SERPINA6: variants seen among roughly 807,000 people sequenced by gnomAD.
SERPINA6 encodes the protein corticosteroid-binding globulin.
A neutral mutation model predicts 26.4 loss-of-function variants in SERPINA6; 19 were observed. The ratio of observed to expected loss-of-function variants is 0.72; its 90% confidence interval spans 0.50 to 1.06. SERPINA6 has a LOEUF of 1.06. Ranked by LOEUF, SERPINA6 falls within the 50% of genes least tolerant of loss-of-function variation. The probability of loss-of-function intolerance (pLI) is 0.00; values close to 1 mark genes in which losing one functional copy is unlikely to be tolerated. For missense variants in SERPINA6, 473 were observed against 504.0 expected, an observed-to-expected ratio of 0.94 and a Z score of 0.59; for synonymous variants, 196 against 199.4, an observed-to-expected ratio of 0.98 and a Z score of 0.14.
At chr14:94,316,121 T>C (rs988297324) in intron 1 of SERPINA6, among the ~76,000 whole-genome samples, 4 of 152,242 alleles carry the variant, frequency 2.6e-5, no homozygotes, top group Non-Finnish European at 5.9e-5. Flanking sequence ...TCTTTTTTGA[T>C]CCTCTGGTTG....
chr14:94,309,801 C>T lies in SERPINA6; in HGVS notation c.819G>A (p.Met273Ile), dbSNP rs1085307658. The change falls in exon 3 of 5, where the codon ATG (methionine) becomes ATA (isoleucine). Residue 273 changes from methionine (M) to isoleucine (I), a missense_variant. Met to Ile is a conservative substitution (Grantham distance 10, BLOSUM62 1). Coordinates refer to ENST00000341584, the MANE Select transcript of SERPINA6 (RefSeq NM_001756.4). ...VFFILPDKGK[M>I]NTVIAALSRD... ...GGCTCAGTGCAGCGATGACTGTGTT[C>T]ATCTTCCCCTTGTCCGGAAGGATGA... 1 of 1,614,192 alleles carries T rather than the reference C, an allele frequency of 6.2e-7. No individual in the cohort carries two copies. The highest frequency in any genetic ancestry group is 1.7e-5 in the Admixed American group (1 of 60,026).
At position 94,314,332 on chromosome 14, in the gene SERPINA6, T is replaced by C. The variant is rs1220722003; in HGVS notation, c.317A>G (p.His106Arg). The C allele has an allele frequency of 3.1e-6, 5 of 1,614,184 alleles. No individual in the cohort carries two copies. The highest frequency in any genetic ancestry group is 4.2e-6 in the Non-Finnish European group (5 of 1,180,038). ...TTGGTGCAGGTGCTGGAAACCCTGG[T>C]GGATCTCAGTCTCAGACCTCTCAGT... is the stretch of plus-strand genomic sequence containing the variant. Reference protein sequence around the residue: ...NLTERSETEIHQGFQHLHQLF... With the variant: ...NLTERSETEIRQGFQHLHQLF... Residue 106 changes from histidine (H) to arginine (R), a missense_variant, in exon 2 of 5, where the codon CAC (histidine) becomes CGC (arginine). Transcript: ENST00000341584.
chr14:94,323,248 G>C lies in SERPINA6; in HGVS notation c.-20+19C>G, dbSNP rs1002814361. On this transcript the variant is annotated intron_variant, in intron 1 of 4. Coordinates refer to ENST00000341584, the MANE Select transcript of SERPINA6 (RefSeq NM_001756.4). The stretch of plus-strand genomic sequence containing the variant: ...GGCTGGGCAGGGGGAGGGACAGAGG[G>C]TTCTCAGGTGTTACTCACAGTCTGC... The C allele has an allele frequency of 6.6e-6, 1 of 152,484 alleles. No homozygotes were observed. The highest frequency in any genetic ancestry group is 1.5e-5 in the Non-Finnish European group (1 of 68,244). The allele number at this position is 152,484 out of a possible 1,614,324, so 9.4% of individuals were successfully genotyped here.
At position 94,306,134 on chromosome 14, in the gene SERPINA6, G is replaced by A. The variant is rs1308205957; in HGVS notation, c.969C>T (p.Asp323=). The change falls in exon 4 of 5, where the codon GAC becomes GAT. Residue 323 remains aspartate, a synonymous_variant. Coordinates refer to ENST00000341584, the MANE Select transcript of SERPINA6 (RefSeq NM_001756.4). ...GDVLEEMGIA[D]LFTNQANFSR... is the part of the protein sequence containing the mutation. Reference sequence around the variant, plus strand: ...AGAAATTTGCCTGGTTGGTGAACAAGTCTGCAATGCCCATTTCCTCCAGCA... The same window carrying A: ...AGAAATTTGCCTGGTTGGTGAACAAATCTGCAATGCCCATTTCCTCCAGCA... The A allele has an allele frequency of 1.9e-6, 3 of 1,614,220 alleles. No individual in the cohort carries two copies. Among genetic ancestry groups the A allele is most frequent in the African/African-American group, 2.7e-5 (2 of 75,058 alleles).
intron 1 of SERPINA6, among the ~76,000 whole-genome samples, chr14:94,321,382 C>T (rs1271933333): frequency 1.3e-5 from 2 of 152,164 alleles, no homozygotes; most frequent in African/African-American, 2.4e-5. Context: ...TCTTTGTGAC[C>T]CAGTCCCTGG....
intron 1 of SERPINA6, among the ~76,000 whole-genome samples, chr14:94,316,359 G>A (rs1895614279): frequency 6.6e-6 from 1 of 152,122 alleles, no homozygotes; most frequent in Admixed American, 6.5e-5. Context: ...GTTCTGTATA[G>A]GTCTGATACA....
chr14:94,315,215 T>G (rs1215269775), intron 1 of SERPINA6, among the ~76,000 whole-genome samples: 2 of 152,234 alleles, frequency 1.3e-5, no homozygotes, highest in Admixed American at 1.3e-4. Context: ...TAAAGGTAGA[T>G]GCGTGGGCAA....
chr14:94,314,461 A>G lies in SERPINA6; in HGVS notation c.188T>C (p.Ile63Thr). The part of the protein sequence containing the change: ...HLVALSPKKN[I>T]FISPVSISMA... Reference sequence around the variant, plus strand: ...GGAGATGCTCACAGGGGAGATGAAAATGTTCTTTTTGGGACTCAAGGCCAC... The same window carrying G: ...GGAGATGCTCACAGGGGAGATGAAAGTGTTCTTTTTGGGACTCAAGGCCAC... The change falls in exon 2 of 5, where the codon ATT becomes ACT. Residue 63 changes from isoleucine to threonine, a missense_variant. Ile to Thr is a moderately conservative substitution (Grantham distance 89). Transcript: ENST00000341584. 1 of 1,614,102 alleles carries G rather than the reference A, an allele frequency of 6.2e-7. No homozygotes were observed.
At chr14:94,317,557 G>A (rs911308589) in intron 1 of SERPINA6, among the ~76,000 whole-genome samples, 20 of 152,192 alleles carry the variant, frequency 1.3e-4, no homozygotes, top group Admixed American at 7.2e-4. Flanking sequence ...GCTTTGCTGA[G>A]TTGTTTTCCT....
chr14:94,309,910 G>A lies in SERPINA6; in HGVS notation c.710C>T (p.Ser237Leu), dbSNP rs756246894. 11 of 1,613,972 alleles carry A rather than the reference G, an allele frequency of 6.8e-6. No individual in the cohort carries two copies. The highest frequency in any genetic ancestry group is 2.2e-5 in the South Asian group (2 of 91,078). Residue 237 changes from serine (S) to leucine (L), a missense_variant, in exon 3 of 5, where the codon TCG becomes TTG. Transcript: ENST00000341584. Reference protein sequence around the residue: ...TVVKVPMMLQSSTISYLHDSE... With the variant: ...TVVKVPMMLQLSTISYLHDSE... Reference sequence around the variant, plus strand: ...GTCATGAAGGTAACTGATGGTGCTCGACTGCAACATCATGGGCACCTTCAC... The same window carrying A: ...GTCATGAAGGTAACTGATGGTGCTCAACTGCAACATCATGGGCACCTTCAC...
chr14:94,304,260 T>A lies in SERPINA6; in HGVS notation c.*158A>T. ...ACCACACCGGTCATCAGAGTCGCAA[T>A]GACATTTATTAAAAGATGCCTAAAG... On this transcript the variant is annotated 3_prime_UTR_variant, in exon 5 of 5. Transcript: ENST00000341584. The A allele has an allele frequency of 1.3e-6, 1 of 767,006 alleles. No homozygotes were observed. Among genetic ancestry groups the A allele is most frequent in the Non-Finnish European group, 2.3e-6 (1 of 434,744 alleles). 47.5% of individuals were successfully genotyped at this position (767,006 alleles called of 1,614,324 possible). A position where few individuals can be genotyped will look rare whatever the true frequency, so the allele number is the denominator to read the frequency against.
At chr14:94,309,638 A>G in intron 3 of SERPINA6, 98 bp downstream of exon 3, 1 of 1,423,076 alleles carries the variant, frequency 7.0e-7, no homozygotes, top group Non-Finnish European at 9.8e-7. Context: ...GGGTGAGTCC[A>G]GGGAAGGAAG....
chr14:94,304,402 C>G lies in SERPINA6; in HGVS notation c.*16G>C, dbSNP rs745501013. On this transcript the variant is annotated 3_prime_UTR_variant, in exon 5 of 5. Coordinates refer to ENST00000341584, the MANE Select transcript of SERPINA6 (RefSeq NM_001756.4). ...CCCAAAGTCAGACAGTGCTGAGGCT[C>G]TGGGTGGGTGGTCTCTTACACTGGG... 1 of 1,613,306 alleles carries G rather than the reference C, an allele frequency of 6.2e-7. No homozygotes were observed. The highest frequency in any genetic ancestry group is 8.5e-7 in the Non-Finnish European group (1 of 1,179,268).
chr14:94,318,655 A>G (rs1281575606), intron 1 of SERPINA6, among the ~76,000 whole-genome samples: 1 of 152,218 alleles, frequency 6.6e-6, no homozygotes, highest in Non-Finnish European at 1.5e-5. Context: ...ATATACAAAA[A>G]TTAATTCAAA....
At chr14:94,310,104 C>T in intron 2 of SERPINA6, 98 bp from the exon 3 acceptor site, 2 of 1,244,856 alleles carry the variant, frequency 1.6e-6, no homozygotes, top group Non-Finnish European at 2.3e-6. Context: ...TGGCCTTCTG[C>T]ATGCTTGGAA....
At chr14:94,310,943 G>A (rs10141488) in intron 2 of SERPINA6, among the ~76,000 whole-genome samples, 5,236 of 152,274 alleles carry the variant, frequency 0.034, 124 homozygotes, top group African/African-American at 0.056. Context: ...TCCCAGCCCA[G>A]GCTCCCTAAA....
rs1478668810 is a variant in SERPINA6 at position 94,314,111 on chromosome 14, CCT to C, written c.536_537del (p.Gln179ArgfsTer12). ...CCTGAAAACAAGTCGACAATTTTCC[CCT>C]GTGTCTTATTCTTGACATAGCTGTT... ...QINSYVKNKTQGKIVDLFSGL... is the reference protein window; with the variant it reads ...QINSYVKNKTXGKIVDLFSGL... On this transcript the variant is annotated frameshift_variant, in exon 2 of 5. Transcript: ENST00000341584. LOFTEE classifies it high-confidence loss of function. 1.2e-6 allele frequency: 2 copies of C among 1,614,052 alleles called. No homozygotes were observed. Among genetic ancestry groups the C allele is most frequent in the African/African-American group, 1.3e-5 (1 of 74,910 alleles).
rs767484624 is a variant in SERPINA6 at position 94,313,964 on chromosome 14, T to C, written c.613+72A>G. On this transcript the variant is annotated intron_variant, in intron 2 of 4. Coordinates refer to ENST00000341584, the MANE Select transcript of SERPINA6 (RefSeq NM_001756.4). ...GAATCAAAGACTTTGCCCAAGAGTG[T>C]GCCCTGGATTTTAGCGGCTGTTATT... 9 of 1,543,310 alleles carry C rather than the reference T, an allele frequency of 5.8e-6. No individual in the cohort carries two copies. In the East Asian group the frequency reaches 1.8e-4, roughly 31 times the overall value.
Position 94,306,092 on chromosome 14 carries a change from G to A in SERPINA6, c.1011C>T (p.Asp337=), listed in dbSNP as rs2228543. 221,837 of 1,613,700 alleles carry A rather than the reference G, an allele frequency of 0.14. 17,663 individuals carry two copies. The highest frequency in any genetic ancestry group is 0.33 in the African/African-American group (24,827 of 74,920). ...TTACCTTTGATGACTTCAGCTGGGC[G>A]TCCTGGGTGATGCGTGAGAAATTTG... ...NQANFSRITQ[D]AQLKSSKVVH... Residue 337 remains aspartate (D), a synonymous_variant, in exon 4 of 5, where the codon GAC becomes GAT. Coordinates refer to ENST00000341584, the MANE Select transcript of SERPINA6 (RefSeq NM_001756.4).
Sources: allele counts gnomAD v4.1 joint callset (sites outside exome capture counted in the v4.1 genomes callset), GRCh38; gene constraint gnomAD v4.1.1; transcripts MANE v1.5; gene names NCBI Gene and HGNC (gene_info 2026-07-23, HGNC 2026-07-21).